DHRS4L2: variants seen among roughly 807,000 people sequenced by gnomAD.
DHRS4L2 encodes dehydrogenase/reductase SDR family member 4-like 2.
In DHRS4L2, 22 loss-of-function variants were observed where a neutral mutation model predicts 23.9. The observed-to-expected ratio is 0.92, with a 90% confidence interval of 0.66 to 1.31. The LOEUF (loss-of-function observed/expected upper bound fraction) is 1.31, where lower values mean the gene tolerates loss of function less well. DHRS4L2 is among the 40% of genes most tolerant of loss of function. DHRS4L2 has a pLI of 0.00. For synonymous variants in DHRS4L2, 141 were observed against 123.7 expected (o/e 1.14, Z -0.93); for missense variants, 385 against 303.3 (o/e 1.27, Z -2.00).
At chr14:23,972,087 C>T (rs180796480) in intron 1 of DHRS4L2, among the ~76,000 whole-genome samples, 60 of 152,142 alleles carry the variant, frequency 3.9e-4, no homozygotes, top group Non-Finnish European at 7.6e-4. Flanking sequence ...GGAGACCCAT[C>T]TCACATGCAA....
chr14:24,005,791 A>C (rs1422377277), intron 7 of DHRS4L2, 95 bp from the exon 8 acceptor site: 1 of 1,554,256 alleles, frequency 6.4e-7, no homozygotes, highest in Non-Finnish European at 8.7e-7. Flanking sequence ...TCATCTGATA[A>C]TTCTTGATTA....
At chr14:23,974,683 C>T (rs1021518636) in intron 1 of DHRS4L2, among the ~76,000 whole-genome samples, 1 of 151,814 alleles carries the variant, frequency 6.6e-6, no homozygotes, top group African/African-American at 2.4e-5. Flanking sequence ...CATACACCTT[C>T]TGCAGACTAA....
In DHRS4L2 at chr14:23,977,285, T is replaced by C. The variant is rs540973720; in HGVS notation, c.-176+6953T>C. ...AATTTAAATATTTCCTATTGCCATC[T>C]GGATTTCTAGCTTCTGTTTAAATAC... On this transcript the variant is annotated intron_variant, in intron 1 of 5. Coordinates refer to the DHRS4L2 transcript ENST00000534993. Among the ~76,000 whole-genome samples the C allele has an allele frequency of 1.0e-3, 152 of 151,730 alleles. 1 individual carries two copies. The highest frequency in any genetic ancestry group is 3.5e-3 in the African/African-American group (145 of 41,210).
upstream of DHRS4L2, among the ~76,000 whole-genome samples, chr14:23,986,680 C>T (rs910518381): frequency 6.6e-6 from 1 of 151,428 alleles, no homozygotes; most frequent in Admixed American, 6.6e-5. Context: ...TCCTGGAACC[C>T]TCAGCCCCTC....
intron 3 of DHRS4L2, 68 bp downstream of exon 3, chr14:23,995,201 T>C: frequency 1.3e-6 from 2 of 1,554,384 alleles, no homozygotes; most frequent in East Asian, 2.2e-5. Flanking sequence ...CCATCTGCTT[T>C]TAGAATGCAT....
chr14:23,993,279 G>C (rs1321613154), intron 2 of DHRS4L2, among the ~76,000 whole-genome samples: 1 of 151,822 alleles, frequency 6.6e-6, no homozygotes, highest in East Asian at 1.9e-4. Context: ...TTTAAAGGGT[G>C]CAAGAAAGTA....
At chr14:23,977,477 A>G (rs2033989274) in intron 1 of DHRS4L2, among the ~76,000 whole-genome samples, 1 of 151,700 alleles carries the variant, frequency 6.6e-6, no homozygotes, top group African/African-American at 2.4e-5. Flanking sequence ...AAGCCATTCT[A>G]TATACTATGC....
intron 2 of DHRS4L2, among the ~76,000 whole-genome samples, chr14:23,993,777 CA>C (rs1240867096): frequency 8.6e-5 from 13 of 151,604 alleles, no homozygotes; most frequent in Middle Eastern, 3.2e-3. Context: ...ACATCATAAC[CA>C]AATATGGAAT....
chr14:23,975,436 C>G lies in DHRS4L2; in HGVS notation c.-176+5104C>G, dbSNP rs529025701. Among the ~76,000 whole-genome samples, 6 of 151,780 alleles carry G rather than the reference C, an allele frequency of 4.0e-5. No homozygotes were observed. The South Asian group carries it at 1.2e-3, about 32-fold the overall frequency. ...CTGCTCAAGGAAATAAGTGAGGACA[C>G]AAACAAATGGAAGAATATTGCATGC... On this transcript the variant is annotated intron_variant, in intron 1 of 5. Coordinates refer to the DHRS4L2 transcript ENST00000534993.
rs1174062919 is a variant in DHRS4L2, at chr14:24,004,360, G to T, written c.689G>T (p.Arg230Met). The part of the protein sequence containing the change: ...AGCSGWTRKK[R>M]KA ...AGCTCTGGATGGACAAGGAAAAAGA[G>T]GAAAGCATGAAAGAAACCCTGCGGA... The change falls in exon 7 of 8, where the codon AGG (arginine) becomes ATG (methionine). Residue 230 changes from arginine (R) to methionine (M), a missense_variant. By Grantham distance (91) the Arg-to-Met change is moderately conservative. Coordinates refer to ENST00000335125, the MANE Select transcript of DHRS4L2 (RefSeq NM_198083.4). 2 of 1,603,984 alleles carry T rather than the reference G, an allele frequency of 1.2e-6. No individual in the cohort carries two copies. The highest frequency in any genetic ancestry group is 2.9e-5 in the African/African-American group (2 of 69,160).
chr14:24,000,881 A>C lies in DHRS4L2; in HGVS notation c.427A>C (p.Lys143Gln). 6.2e-7 allele frequency: 1 copy of C among 1,610,470 alleles called. No individual in the cohort carries two copies. Among genetic ancestry groups the C allele is most frequent in the Non-Finnish European group, 8.5e-7 (1 of 1,178,656 alleles). Residue 143 changes from lysine (K) to glutamine (Q), a missense_variant, in exon 4 of 8, where the codon AAG becomes CAG. Physicochemically the swap from Lys to Gln is moderately conservative, Grantham distance 53. Transcript: ENST00000335125. The part of the protein sequence containing the change: ...VWDKTLDINV[K>Q]APALMTKAVV... ...GCTTCAGACTCTGGACATTAATGTGAAGGCCCCAGCCCTGATGACAAAGGC... is the reference window on the plus strand; with the variant it reads ...GCTTCAGACTCTGGACATTAATGTGCAGGCCCCAGCCCTGATGACAAAGGC...
chr14:24,001,489 G>T lies in DHRS4L2; in HGVS notation c.637G>T (p.Asp213Tyr). ...CATTAGGGTGAACTGCCTGCACCTGGACTTATCAAGACTAGCTTCAGCAGG... is the reference window on the plus strand; with the variant it reads ...CATTAGGGTGAACTGCCTGCACCTGTACTTATCAAGACTAGCTTCAGCAGG... ...RNIRVNCLHL[D>Y]LSRLASAGCS... The change falls in exon 6 of 8, where the codon GAC becomes TAC. Residue 213 changes from aspartate to tyrosine, a missense_variant. Asp to Tyr is a radical substitution (Grantham distance 160, BLOSUM62 -3). Coordinates refer to ENST00000335125, the MANE Select transcript of DHRS4L2 (RefSeq NM_198083.4). 1 of 1,603,074 alleles carries T rather than the reference G, an allele frequency of 6.2e-7. No individual in the cohort carries two copies. The highest frequency in any genetic ancestry group is 8.5e-7 in the Non-Finnish European group (1 of 1,177,378).
At chr14:23,987,072 G>C (rs1163915819), upstream of DHRS4L2, among the ~76,000 whole-genome samples, 1 of 151,584 alleles carries the variant, frequency 6.6e-6, no homozygotes, top group East Asian at 1.9e-4. Flanking sequence ...TAGAAATCCA[G>C]TGCAGGCCTG....
chr14:23,986,699 C>G (rs371521984), upstream of DHRS4L2, among the ~76,000 whole-genome samples: 2 of 151,302 alleles, frequency 1.3e-5, no homozygotes, highest in Non-Finnish European at 3.0e-5. Context: ...TCAGTGGGCC[C>G]GTCTACCTCT....
chr14:23,988,683 G>T (rs907490791), upstream of DHRS4L2: 6 of 910,400 alleles, frequency 6.6e-6, 1 homozygote, highest in Admixed American at 2.2e-4. Flanking sequence ...CAGGGGAGGG[G>T]CGAGCCCTAC....
chr14:23,974,612 T>C (rs2033931274), intron 1 of DHRS4L2, among the ~76,000 whole-genome samples: 1 of 151,800 alleles, frequency 6.6e-6, no homozygotes, highest in Admixed American at 6.6e-5. Flanking sequence ...CAGAGAATAC[T>C]ATAAACACCT....
chr14:24,005,645 G>A (rs2034558620), intron 7 of DHRS4L2, among the ~76,000 whole-genome samples: 1 of 151,792 alleles, frequency 6.6e-6, no homozygotes, highest in Non-Finnish European at 1.5e-5. Context: ...TCTAAAAACC[G>A]GTGTGTTTCT....
At chr14:23,987,204 C>A, upstream of DHRS4L2, 1 of 357,074 alleles carries the variant, frequency 2.8e-6, no homozygotes, top group South Asian at 2.0e-5. Flanking sequence ...GATCTTGGCT[C>A]ACTGCAAGCT....
chr14:23,995,170 G>A (rs372909905), intron 3 of DHRS4L2, 37 bp downstream of exon 3: 46 of 1,604,016 alleles, frequency 2.9e-5, no homozygotes, highest in South Asian at 4.4e-5. Flanking sequence ...AGGGGGCCTC[G>A]GGACACATTC....
Sources: gnomAD v4.1 joint callset for allele counts (sites outside exome capture counted in the v4.1 genomes callset) on GRCh38, gnomAD v4.1.1 for gene constraint, MANE v1.5 for transcripts, NCBI Gene and HGNC (gene_info 2026-07-23, HGNC 2026-07-21) for gene names.